Variants in NELL1 observed in about 807,000 individuals in gnomAD.
The protein encoded by NELL1 is neural EGFL like 1.
A neutral mutation model predicts 107.4 loss-of-function variants in NELL1; 76 were observed. That is an observed-to-expected ratio of 0.71 (90% CI 0.59 to 0.86). The LOEUF (loss-of-function observed/expected upper bound fraction) is 0.86, where lower values mean the gene tolerates loss of function less well. NELL1 is among the 40% of genes least tolerant of loss of function. The pLI, the probability that NELL1 is intolerant of heterozygous loss-of-function variation, is 0.00. For missense variants in NELL1, 1,024 were observed against 1,005.5 expected (o/e 1.02, Z -0.25); for synonymous variants, 353 against 341.2 (o/e 1.03, Z -0.38).
intron 13 of NELL1, among the ~76,000 whole-genome samples, chr11:21,200,332 G>A (rs1010396298): frequency 3.3e-5 from 5 of 152,036 alleles, no homozygotes; most frequent in Non-Finnish European, 7.4e-5. Context: ...TTTAATGATT[G>A]TCATTCTAAC....
intron 13 of NELL1, among the ~76,000 whole-genome samples, chr11:21,137,792 A>T (rs1196167545): frequency 6.6e-6 from 1 of 152,218 alleles, no homozygotes; most frequent in Non-Finnish European, 1.5e-5. Flanking sequence ...AGGAAGGGTT[A>T]AAAGGTCCAA....
chr11:20,744,787 T>C (rs1855967205), intron 2 of NELL1, among the ~76,000 whole-genome samples: 1 of 152,234 alleles, frequency 6.6e-6, no homozygotes, highest in Non-Finnish European at 1.5e-5. Context: ...TGGTAATATG[T>C]TCTGTCCACA....
At chr11:21,456,351 A>G (rs1853735154) in intron 15 of NELL1, among the ~76,000 whole-genome samples, 1 of 151,786 alleles carries the variant, frequency 6.6e-6, no homozygotes, top group Non-Finnish European at 1.5e-5. Flanking sequence ...GAACTGCCTA[A>G]TTTCCTGCTT....
chr11:20,837,332 A>G (rs147213442), intron 3 of NELL1, among the ~76,000 whole-genome samples: 5 of 152,296 alleles, frequency 3.3e-5, no homozygotes, highest in African/African-American at 9.6e-5. Context: ...AGACATCAGT[A>G]TGAATTCATG....
At chr11:21,057,395 C>T (rs902024923) in intron 12 of NELL1, among the ~76,000 whole-genome samples, 1 of 151,970 alleles carries the variant, frequency 6.6e-6, no homozygotes, top group African/African-American at 2.4e-5. Context: ...AGAAATTTGT[C>T]AGTTTCATCA....
At chr11:21,527,267 A>T (rs149808793) in intron 15 of NELL1, among the ~76,000 whole-genome samples, 1,678 of 152,228 alleles carry the variant, frequency 0.011, 14 homozygotes, top group Non-Finnish European at 0.017. Flanking sequence ...TATTGTCCAT[A>T]TCACTATCAG....
chr11:20,785,394 T>A (rs558209421), intron 3 of NELL1, among the ~76,000 whole-genome samples: 222 of 152,334 alleles, frequency 1.5e-3, no homozygotes, highest in African/African-American at 5.2e-3. Context: ...AGGTGTTCTG[T>A]ATGCTGGAGA....
intron 15 of NELL1, among the ~76,000 whole-genome samples, chr11:21,477,362 G>A (rs891395300): frequency 6.6e-6 from 1 of 152,016 alleles, no homozygotes; most frequent in African/African-American, 2.4e-5. Flanking sequence ...AATTTATTTG[G>A]GACAAAGTAA....
chr11:20,679,562 G>A (rs1049636265), intron 2 of NELL1, among the ~76,000 whole-genome samples: 7 of 152,314 alleles, frequency 4.6e-5, no homozygotes, highest in Admixed American at 4.6e-4. Context: ...ATGAATTGGT[G>A]AAGTATGTAA....
At chr11:20,806,626 T>TC (rs966780560) in intron 3 of NELL1, among the ~76,000 whole-genome samples, 18 of 152,160 alleles carry the variant, frequency 1.2e-4, no homozygotes, top group Non-Finnish European at 2.1e-4. Flanking sequence ...GTAAACTTTC[T>TC]CCCCCTACCT....
At chr11:21,305,732 C>CTA (rs1414606116) in intron 14 of NELL1, among the ~76,000 whole-genome samples, 1 of 151,494 alleles carries the variant, frequency 6.6e-6, no homozygotes, top group Middle Eastern at 3.4e-3. Context: ...AGTATAGATT[C>CTA]TATATATATA....
chr11:21,316,746 C>G (rs1212285252), intron 14 of NELL1, among the ~76,000 whole-genome samples: 3 of 152,086 alleles, frequency 2.0e-5, no homozygotes, highest in African/African-American at 7.2e-5. Context: ...TCTGCTGGGT[C>G]ATTCTCAGGA....
intron 12 of NELL1, among the ~76,000 whole-genome samples, chr11:20,995,988 G>A (rs1254289825): frequency 2.6e-5 from 4 of 152,178 alleles, no homozygotes; most frequent in African/African-American, 9.7e-5. Flanking sequence ...AACATTTTGT[G>A]CTCATTCTAC....
At position 21,230,646 on chromosome 11, in the gene NELL1, G is replaced by A. The variant is rs560891231; in HGVS notation, c.1549+1192G>A. Among the ~76,000 whole-genome samples the A allele has an allele frequency of 2.6e-5, 4 of 152,132 alleles. No individual in the cohort carries two copies. The South Asian group carries it at 8.3e-4, about 31-fold the overall frequency. The stretch of plus-strand genomic sequence containing the variant: ...ACACATTGTCAGTATTCCTCTGCAG[G>A]GATGAAATGCTGGTAATGAGTGAAA... On this transcript the variant is annotated intron_variant, in intron 14 of 19. Transcript: ENST00000357134.
intron 13 of NELL1, among the ~76,000 whole-genome samples, chr11:21,173,889 T>A (rs1445941250): frequency 2.0e-5 from 3 of 151,694 alleles, no homozygotes; most frequent in Non-Finnish European, 4.4e-5. Context: ...TTAGATTAGA[T>A]GATACCTAAT....
At chr11:21,359,846 A>G (rs1851030530) in intron 14 of NELL1, among the ~76,000 whole-genome samples, 2 of 152,032 alleles carry the variant, frequency 1.3e-5, no homozygotes, top group East Asian at 1.9e-4. Context: ...TTCTTGTTTC[A>G]TTTCTAATTG....
At chr11:20,805,473 G>C (rs762351783) in intron 3 of NELL1, among the ~76,000 whole-genome samples, 4 of 151,904 alleles carry the variant, frequency 2.6e-5, no homozygotes, top group Non-Finnish European at 4.4e-5. Flanking sequence ...TGTATCTGCT[G>C]TGTTTTTAGA....
At chr11:21,569,950 T>C (rs988564823) in intron 17 of NELL1, among the ~76,000 whole-genome samples, 1 of 151,820 alleles carries the variant, frequency 6.6e-6, no homozygotes, top group African/African-American at 2.4e-5. Flanking sequence ...AGACAGGTCT[T>C]ACCTTAAATT....
chr11:20,725,441 G>A (rs1855487573), intron 2 of NELL1, among the ~76,000 whole-genome samples: 1 of 152,182 alleles, frequency 6.6e-6, no homozygotes, highest in Admixed American at 6.5e-5. Flanking sequence ...AGTCTCCAAG[G>A]CAGGCTGTAA....
Sources: gnomAD v4.1 joint callset for allele counts (sites outside exome capture counted in the v4.1 genomes callset) on GRCh38, gnomAD v4.1.1 for gene constraint, MANE v1.5 for transcripts, NCBI Gene and HGNC (gene_info 2026-07-23, HGNC 2026-07-21) for gene names.